The following PDSS2 variants were observed in gnomAD, a reference collection of about 807,000 sequenced individuals.
PDSS2 encodes all trans-polyprenyl-diphosphate synthase PDSS2.
PDSS2 carries 31 observed loss-of-function variants against 44.5 expected under a neutral mutation model. The observed-to-expected ratio is 0.70, with a 90% CI of 0.52 to 0.94. PDSS2 has a LOEUF of 0.94. Ranked by LOEUF, PDSS2 falls within the 40% of genes least tolerant of loss-of-function variation. PDSS2 has a pLI of 0.00. For synonymous variants in PDSS2, 157 were observed against 180.3 expected, an observed-to-expected ratio of 0.87 and a Z score of 1.03; for missense variants, 452 against 482.2, an observed-to-expected ratio of 0.94 and a Z score of 0.59.
intron 1 of PDSS2, among the ~76,000 whole-genome samples, chr6:107,378,842 T>A (rs868173489): frequency 5.3e-5 from 8 of 152,334 alleles, no homozygotes; most frequent in Middle Eastern, 6.8e-3. Flanking sequence ...TTTTCCCTCA[T>A]GATTAGACTG....
chr6:107,234,039 T>C (rs1774144379), intron 4 of PDSS2, among the ~76,000 whole-genome samples: 1 of 152,098 alleles, frequency 6.6e-6, no homozygotes, highest in Admixed American at 6.5e-5. Context: ...TCTGTATCAT[T>C]AGTAATTATA....
intron 6 of PDSS2, among the ~76,000 whole-genome samples, chr6:107,195,503 G>T (rs1772525094): frequency 7.2e-6 from 1 of 139,706 alleles, no homozygotes; most frequent in African/African-American, 2.7e-5. Flanking sequence ...AAAAAAAAAT[G>T]GTCCTGACCC....
chr6:107,432,112 T>C (rs1781210253), intron 1 of PDSS2, among the ~76,000 whole-genome samples: 1 of 152,234 alleles, frequency 6.6e-6, no homozygotes. Context: ...CCAAACCTAC[T>C]ACTGAATGAA....
chr6:107,293,706 C>T (rs1472081981), intron 2 of PDSS2, among the ~76,000 whole-genome samples: 1 of 152,050 alleles, frequency 6.6e-6, no homozygotes, highest in African/African-American at 2.4e-5. Context: ...CACTGACAAC[C>T]CAGAGAGTAA....
rs1452327443 is a variant in PDSS2, at chr6:107,193,738, T to C, written c.1041+84A>G. 8.3e-6 allele frequency: 7 copies of C among 847,822 alleles called. No homozygotes were observed. In the Admixed American group the frequency reaches 1.2e-4, roughly 14 times the overall value. The allele number at this position is 847,822 out of a possible 1,614,324, so 52.5% of individuals were successfully genotyped here. A position where few individuals can be genotyped will look rare whatever the true frequency, so the allele number is the denominator to read the frequency against. ...CCTTCAGCTCTCAATGTGATCATTCTCTTTTGACCTTTCAAATATAAACGA... is the reference window on the plus strand; with the variant it reads ...CCTTCAGCTCTCAATGTGATCATTCCCTTTTGACCTTTCAAATATAAACGA... On this transcript the variant is annotated intron_variant, in intron 7 of 7. Coordinates refer to ENST00000369037, the MANE Select transcript of PDSS2 (RefSeq NM_020381.4).
At position 107,259,963 on chromosome 6, in the gene PDSS2, T is replaced by C. The variant is rs189385932; in HGVS notation, c.630+14066A>G. 4.7e-3 allele frequency among the ~76,000 whole-genome samples: 710 copies of C among 152,338 alleles called. 3 individuals are homozygous for C. Among genetic ancestry groups the C allele is most frequent in the Non-Finnish European group, 7.6e-3 (514 of 68,032 alleles). On this transcript the variant is annotated intron_variant, in intron 3 of 7. Coordinates refer to ENST00000369037, the MANE Select transcript of PDSS2 (RefSeq NM_020381.4). ...GACTTGATTTGCAATATAGTTTTGG[T>C]GTTTCCAGATTTCTGCCTGACTTTA... is the stretch of plus-strand genomic sequence containing the variant.
chr6:107,324,015 T>C (rs1347650260), intron 2 of PDSS2, among the ~76,000 whole-genome samples: 1 of 152,198 alleles, frequency 6.6e-6, no homozygotes, highest in African/African-American at 2.4e-5. Context: ...TCCTATTTTG[T>C]GTTTTTCCAA....
intron 1 of PDSS2, among the ~76,000 whole-genome samples, chr6:107,336,038 T>G (rs1777879457): frequency 6.7e-6 from 1 of 150,000 alleles, no homozygotes; most frequent in African/African-American, 2.5e-5. Context: ...GGGCATCACC[T>G]GAGGTCAGGG....
chr6:107,183,971 C>T (rs6915131), intron 7 of PDSS2, among the ~76,000 whole-genome samples: 25 of 151,746 alleles, frequency 1.6e-4, no homozygotes, highest in African/African-American at 6.1e-4. Context: ...TGCACTCCAG[C>T]CTGGGCAACG....
In PDSS2 at chr6:107,166,361, G is replaced by GTTT. The variant is rs34385593; in HGVS notation, c.1042-11587_1042-11585dup. On this transcript the variant is annotated intron_variant, in intron 7 of 7. Transcript: ENST00000369037. Reference sequence around the variant, plus strand: ...CCCATCAATACCTAATTTATTGAGAGTTTTTTTTTTTTTTTTTTTTTGAGA... The same window carrying GTTT: ...CCCATCAATACCTAATTTATTGAGAGTTTTTTTTTTTTTTTTTTTTTTTTGAGA... 9.7e-4 allele frequency among the ~76,000 whole-genome samples: 98 copies of GTTT among 100,936 alleles called. 3 individuals are homozygous for GTTT. The highest frequency in any genetic ancestry group is 3.3e-3 in the African/African-American group (85 of 25,986). 66.2% of individuals were successfully genotyped at this position (100,936 alleles called of 152,430 possible). A position where few individuals can be genotyped will look rare whatever the true frequency, so the allele number is the denominator to read the frequency against.
At chr6:107,430,967 G>A (rs1474439325) in intron 1 of PDSS2, among the ~76,000 whole-genome samples, 1 of 152,206 alleles carries the variant, frequency 6.6e-6, no homozygotes, top group East Asian at 1.9e-4. Context: ...CAGAAAGGAT[G>A]ATTAGTTTTG....
rs534408371 is a variant in PDSS2 at position 107,436,493 on chromosome 6, C to T, written c.296+22497G>A. Among the ~76,000 whole-genome samples the T allele has an allele frequency of 5.5e-4, 84 of 152,198 alleles. 1 individual carries two copies. The highest frequency in any genetic ancestry group is 1.5e-3 in the Admixed American group (23 of 15,288). ...TGTACCCTTTTTAAAGGTAAAAATT[C>T]AGTTACTGAGTACTGCCTTAAATAA... On this transcript the variant is annotated intron_variant, in intron 1 of 7. Coordinates refer to ENST00000369037, the MANE Select transcript of PDSS2 (RefSeq NM_020381.4).
chr6:107,256,945 C>T (rs956956944), intron 3 of PDSS2, among the ~76,000 whole-genome samples: 1 of 151,964 alleles, frequency 6.6e-6, no homozygotes, highest in African/African-American at 2.4e-5. Flanking sequence ...TTTGGGAGAC[C>T]GAGGCAGGTG....
intron 1 of PDSS2, among the ~76,000 whole-genome samples, chr6:107,363,566 C>T (rs1778852369): frequency 6.6e-6 from 1 of 152,280 alleles, no homozygotes; most frequent in Admixed American, 6.5e-5. Context: ...GTGAGTGTTA[C>T]AGCTCATAAA....
intron 5 of PDSS2, among the ~76,000 whole-genome samples, chr6:107,210,831 C>G (rs1203719941): frequency 6.8e-6 from 1 of 146,352 alleles, no homozygotes; most frequent in Non-Finnish European, 1.5e-5. Context: ...TGGCGAAACC[C>G]CATCTCTACT....
At chr6:107,175,715 TGTC>T (rs1284810687) in intron 7 of PDSS2, among the ~76,000 whole-genome samples, 1 of 152,202 alleles carries the variant, frequency 6.6e-6, no homozygotes, top group African/African-American at 2.4e-5. Context: ...GTAGAACAAA[TGTC>T]AGTAGAAATT....
chr6:107,253,210 A>AT (rs1300437901), intron 3 of PDSS2, among the ~76,000 whole-genome samples: 8 of 150,960 alleles, frequency 5.3e-5, no homozygotes, highest in Admixed American at 1.3e-4. Context: ...TAATTTTTGT[A>AT]TTTTTTTTAG....
intron 2 of PDSS2, among the ~76,000 whole-genome samples, chr6:107,288,753 G>GTTTTTTTTTTT (rs35762837): frequency 2.7e-5 from 2 of 72,742 alleles, no homozygotes; most frequent in African/African-American, 5.7e-5. Flanking sequence ...GGACGAAATT[G>GTTTTTTTTTTT]TTTTTTTTTT....
chr6:107,224,176 T>C (rs1402348374), intron 4 of PDSS2, among the ~76,000 whole-genome samples: 1 of 151,422 alleles, frequency 6.6e-6, no homozygotes, highest in Non-Finnish European at 1.5e-5. Context: ...CAATATGAGC[T>C]GCTCAAAAAG....
Sources: gnomAD v4.1 joint callset for allele counts (sites outside exome capture counted in the v4.1 genomes callset) on GRCh38, gnomAD v4.1.1 for gene constraint, MANE v1.5 for transcripts, NCBI Gene and HGNC (gene_info 2026-07-23, HGNC 2026-07-21) for gene names.